NCAM2: variants seen among roughly 807,000 people sequenced by gnomAD.
The protein encoded by NCAM2 is N-CAM-2.
In NCAM2, 30 loss-of-function variants were observed where a neutral mutation model predicts 98.1. That is an observed-to-expected ratio of 0.31 (90% CI 0.23 to 0.41). The LOEUF (loss-of-function observed/expected upper bound fraction) is 0.41, where lower values mean the gene tolerates loss of function less well. Among genes scored for constraint, NCAM2 ranks in the 10% least tolerant of loss-of-function variants. NCAM2 has a pLI of 1.00. For missense variants in NCAM2, 867 were observed against 1,005.8 expected, an observed-to-expected ratio of 0.86 and a Z score of 1.87; for synonymous variants, 368 against 342.4, an observed-to-expected ratio of 1.07 and a Z score of -0.83.
At chr21:21,078,650 A>G (rs1230493742) in intron 1 of NCAM2, among the ~76,000 whole-genome samples, 2 of 152,200 alleles carry the variant, frequency 1.3e-5, no homozygotes, top group African/African-American at 4.8e-5. Flanking sequence ...GATCTAGACC[A>G]GCAATACCAT....
At chr21:21,227,720 T>C (rs1482426509) in intron 1 of NCAM2, among the ~76,000 whole-genome samples, 1 of 151,810 alleles carries the variant, frequency 6.6e-6, no homozygotes, top group East Asian at 1.9e-4. Context: ...GCATTTTAAA[T>C]TGTGGAGAAA....
At chr21:21,378,032 C>A (rs1327022345) in intron 9 of NCAM2, among the ~76,000 whole-genome samples, 1 of 151,950 alleles carries the variant, frequency 6.6e-6, no homozygotes, top group Non-Finnish European at 1.5e-5. Context: ...TTTAAATGCT[C>A]AATAGTATTC....
At position 21,436,770 on chromosome 21, in the gene NCAM2, T is replaced by C. The variant is rs77753142; in HGVS notation, c.1654+4489T>C. ...GTCTACAGAAGCAACTTTTTTTTTCTTTTTTTTTTTTGAGACAGAATCTTG... is the reference window on the plus strand; with the variant it reads ...GTCTACAGAAGCAACTTTTTTTTTCCTTTTTTTTTTTGAGACAGAATCTTG... On this transcript the variant is annotated intron_variant, in intron 12 of 17. Transcript: ENST00000400546. 8.5e-4 allele frequency among the ~76,000 whole-genome samples: 73 copies of C among 86,218 alleles called. 1 individual carries two copies. Among genetic ancestry groups the C allele is most frequent in the African/African-American group, 2.8e-3 (57 of 20,572 alleles). 56.6% of individuals were successfully genotyped at this position (86,218 alleles called of 152,430 possible). A position where few individuals can be genotyped will look rare whatever the true frequency, so the allele number is the denominator to read the frequency against.
At chr21:21,501,462 C>A (rs1056019005) in intron 15 of NCAM2, among the ~76,000 whole-genome samples, 10 of 151,820 alleles carry the variant, frequency 6.6e-5, no homozygotes, top group African/African-American at 2.4e-4. Context: ...TTATAATGCT[C>A]CCTAAGTAAA....
rs933737134 is a variant in NCAM2, at chr21:21,254,329, G to A, written c.56-26249G>A. Among the ~76,000 whole-genome samples the A allele has an allele frequency of 4.6e-5, 7 of 152,246 alleles. No homozygotes were observed. In the South Asian group the frequency reaches 8.3e-4, roughly 18 times the overall value. On this transcript the variant is annotated intron_variant, in intron 1 of 17. Transcript: ENST00000400546. Reference sequence around the variant, plus strand: ...AGTTACACAGCTATTAAGTCGCAACGCCAGCCTATCTACTCAGGTTTGTTG... The same window carrying A: ...AGTTACACAGCTATTAAGTCGCAACACCAGCCTATCTACTCAGGTTTGTTG...
chr21:21,187,376 A>G (rs1187668004), intron 1 of NCAM2, among the ~76,000 whole-genome samples: 1 of 152,148 alleles, frequency 6.6e-6, no homozygotes, highest in South Asian at 2.1e-4. Context: ...GCTGCACCAC[A>G]TACTTTTTAA....
intron 11 of NCAM2, among the ~76,000 whole-genome samples, chr21:21,420,299 T>TA (rs1357871323): frequency 6.6e-6 from 1 of 151,992 alleles, no homozygotes; most frequent in Non-Finnish European, 1.5e-5. Context: ...ACATATAGAA[T>TA]AAAAAATTCA....
At chr21:21,125,476 C>G (rs57481784) in intron 1 of NCAM2, among the ~76,000 whole-genome samples, 1 of 3,850 alleles carries the variant, frequency 2.6e-4, no homozygotes, top group African/African-American at 5.2e-4. Flanking sequence ...ATATATATAT[C>G]TATATATAGA....
intron 8 of NCAM2, among the ~76,000 whole-genome samples, chr21:21,370,022 C>T (rs185493786): frequency 2.7e-3 from 409 of 151,872 alleles, no homozygotes; most frequent in African/African-American, 9.4e-3. Flanking sequence ...CTGCAGTCAT[C>T]GTCATCTTGG....
At chr21:21,136,688 G>A (rs1283752387) in intron 1 of NCAM2, among the ~76,000 whole-genome samples, 2 of 123,926 alleles carry the variant, frequency 1.6e-5, no homozygotes, top group South Asian at 2.4e-4. Flanking sequence ...GGCTGGTCTC[G>A]AACTCCTGAG....
chr21:21,175,266 G>A (rs1473597852), intron 1 of NCAM2, among the ~76,000 whole-genome samples: 2 of 152,114 alleles, frequency 1.3e-5, no homozygotes, highest in Non-Finnish European at 2.9e-5. Context: ...CGGGTACCGT[G>A]GCTCACGCCT....
chr21:21,146,087 G>T (rs1469939414), intron 1 of NCAM2, among the ~76,000 whole-genome samples: 1 of 151,920 alleles, frequency 6.6e-6, no homozygotes, highest in Non-Finnish European at 1.5e-5. Context: ...GTGAGAATAT[G>T]AATTTAATAA....
intron 15 of NCAM2, among the ~76,000 whole-genome samples, chr21:21,490,463 A>T (rs1433605993): frequency 1.3e-5 from 2 of 151,970 alleles, no homozygotes; most frequent in Admixed American, 1.3e-4. Flanking sequence ...CTTAAGTTAA[A>T]TTCAATTAGT....
chr21:21,004,133 C>CA (rs1431396063), intron 1 of NCAM2, among the ~76,000 whole-genome samples: 1 of 152,154 alleles, frequency 6.6e-6, no homozygotes, highest in Non-Finnish European at 1.5e-5. Flanking sequence ...GTTCTCCTAA[C>CA]ACCAAACTTG....
At chr21:21,356,751 G>A (rs2075491170) in intron 8 of NCAM2, among the ~76,000 whole-genome samples, 1 of 152,140 alleles carries the variant, frequency 6.6e-6, no homozygotes, top group African/African-American at 2.4e-5. Flanking sequence ...AGCACTTTGG[G>A]AGGCCAAGGA....
At chr21:21,433,445 AAAAGAGAG>A (rs1402971946) in intron 12 of NCAM2, among the ~76,000 whole-genome samples, 4 of 151,974 alleles carry the variant, frequency 2.6e-5, no homozygotes, top group African/African-American at 7.3e-5. Flanking sequence ...TTATTTTATT[AAAAGAGAG>A]AAAGGGCCAG....
At chr21:21,240,509 C>T (rs962241032) in intron 1 of NCAM2, among the ~76,000 whole-genome samples, 2 of 152,126 alleles carry the variant, frequency 1.3e-5, no homozygotes, top group African/African-American at 4.8e-5. Flanking sequence ...ACCAGAGAGC[C>T]TCATGGTGTG....
chr21:21,202,888 G>C (rs1305803376), intron 1 of NCAM2, among the ~76,000 whole-genome samples: 1 of 151,988 alleles, frequency 6.6e-6, no homozygotes, highest in East Asian at 1.9e-4. Flanking sequence ...TATCAATGTA[G>C]GATGGATGAA....
intron 1 of NCAM2, among the ~76,000 whole-genome samples, chr21:21,149,938 G>T (rs1352437677): frequency 6.6e-6 from 1 of 151,980 alleles, no homozygotes; most frequent in African/African-American, 2.4e-5. Flanking sequence ...GCCCGTAATG[G>T]GATTGCTGGA....
Sources: allele counts gnomAD v4.1 joint callset (sites outside exome capture counted in the v4.1 genomes callset), GRCh38; gene constraint gnomAD v4.1.1; transcripts MANE v1.5; gene names NCBI Gene and HGNC (gene_info 2026-07-23, HGNC 2026-07-21).